FGF12: variants seen among roughly 807,000 people sequenced by gnomAD.
FGF12 encodes the protein fibroblast growth factor 12.
Under a neutral mutation model 23.6 loss-of-function variants are expected in FGF12, and 14 were observed. That is an observed-to-expected ratio of 0.59 (90% CI 0.39 to 0.93). The LOEUF is 0.93. Ranked by LOEUF, FGF12 falls within the 40% of genes least tolerant of loss-of-function variation. The probability of loss-of-function intolerance (pLI) is 0.00; values close to 1 mark genes in which losing one functional copy is unlikely to be tolerated. For missense variants in FGF12, 175 were observed against 217.8 expected, an observed-to-expected ratio of 0.80 and a Z score of 1.24; for synonymous variants, 62 against 77.3, an observed-to-expected ratio of 0.80 and a Z score of 1.04.
chr3:192,690,702 A>G (rs1177076129), intron 2 of FGF12, among the ~76,000 whole-genome samples: 1 of 151,996 alleles, frequency 6.6e-6, no homozygotes, highest in Non-Finnish European at 1.5e-5. Flanking sequence ...ATCCTTATCT[A>G]TCAATAATTA....
At chr3:192,205,356 C>G (rs961044118) in intron 4 of FGF12, among the ~76,000 whole-genome samples, 2 of 152,066 alleles carry the variant, frequency 1.3e-5, no homozygotes, top group Admixed American at 6.6e-5. Flanking sequence ...CATATCCTAC[C>G]CCCATGTTAA....
chr3:192,696,870 T>G (rs1357313405), intron 2 of FGF12, among the ~76,000 whole-genome samples: 1 of 151,800 alleles, frequency 6.6e-6, no homozygotes, highest in Non-Finnish European at 1.5e-5. Context: ...AAGAGGAGAC[T>G]AAATGAGGTA....
At chr3:192,437,113 G>A (rs142271065) in intron 2 of FGF12, among the ~76,000 whole-genome samples, 5 of 152,206 alleles carry the variant, frequency 3.3e-5, no homozygotes, top group African/African-American at 1.2e-4. Flanking sequence ...CGGGTAGAAG[G>A]GGCATAGTTA....
chr3:192,667,266 A>G (rs1007498568), intron 2 of FGF12, among the ~76,000 whole-genome samples: 5 of 152,288 alleles, frequency 3.3e-5, no homozygotes, highest in Admixed American at 3.3e-4. Context: ...TGGAAAGGTC[A>G]CAGAGGGCTT....
chr3:192,499,693 G>A (rs1254252259), intron 2 of FGF12, among the ~76,000 whole-genome samples: 1 of 149,976 alleles, frequency 6.7e-6, no homozygotes, highest in Non-Finnish European at 1.5e-5. Context: ...CACCTCACAC[G>A]GCTAATTGTT....
intron 2 of FGF12, among the ~76,000 whole-genome samples, chr3:192,677,117 T>C (rs1156821511): frequency 6.6e-6 from 1 of 152,220 alleles, no homozygotes; most frequent in Non-Finnish European, 1.5e-5. Flanking sequence ...CAAAGATTGC[T>C]TGACTTTACG....
chr3:192,628,452 C>T (rs982003991), intron 2 of FGF12, among the ~76,000 whole-genome samples: 1 of 60,746 alleles, frequency 1.6e-5, no homozygotes, highest in African/African-American at 3.8e-5. Context: ...TACACACACA[C>T]ACACACACAC....
rs778450052 is a variant in FGF12, at chr3:192,170,525, T to A, written c.360A>T (p.Gln120His). The part of the protein sequence containing the change: ...AWFLGLNKEG[Q>H]IMKGNRVKKT... ...TCTTCACTCTGTTCCCCTTCATAAT[T>A]TGACCTTCTTTATTGAGTCCCAGAA... Residue 120 changes from glutamine to histidine, a missense_variant, in exon 5 of 6, where the codon CAA becomes CAT. By Grantham distance (24) the Gln-to-His change is conservative. Transcript: ENST00000445105. 6.2e-7 allele frequency: 1 copy of A among 1,614,120 alleles called. No individual in the cohort carries two copies. The highest frequency in any genetic ancestry group is 1.7e-5 in the Admixed American group (1 of 60,016).
intron 4 of FGF12, among the ~76,000 whole-genome samples, chr3:192,227,791 T>C (rs1374110497): frequency 2.0e-5 from 3 of 152,224 alleles, no homozygotes; most frequent in Admixed American, 2.0e-4. Context: ...TAGTCATGAT[T>C]TTCCATTTGT....
rs185917373 is a variant in FGF12, at chr3:192,687,080, T to C, written c.13+40101A>G. On this transcript the variant is annotated intron_variant, in intron 2 of 5. Coordinates refer to ENST00000445105, the MANE Select transcript of FGF12 (RefSeq NM_004113.6). ...TCCTGACCTCGTGATCTGCCCGCCT[T>C]GGCCTCCCAAAGTGCTGGGATTACA... Among the ~76,000 whole-genome samples the C allele has an allele frequency of 5.5e-4, 83 of 150,912 alleles. 1 individual carries two copies. In the East Asian group the frequency reaches 0.013, roughly 23 times the overall value.
At chr3:192,190,085 G>A (rs1434617275) in intron 4 of FGF12, among the ~76,000 whole-genome samples, 2 of 152,040 alleles carry the variant, frequency 1.3e-5, no homozygotes, top group East Asian at 3.9e-4. Flanking sequence ...CTAAGGAAAA[G>A]TTTTTTTAAA....
At position 192,408,150 on chromosome 3, in the gene FGF12, G is replaced by T. The variant is rs1157015897; in HGVS notation, c.14-47612C>A. ...GGGGCTGGAGCGGCGCTTGGAGGCCGACACTCGGTCGCTGTTGGACTCCCT... is the reference window on the plus strand; with the variant it reads ...GGGGCTGGAGCGGCGCTTGGAGGCCTACACTCGGTCGCTGTTGGACTCCCT... On this transcript the variant is annotated intron_variant, in intron 2 of 5. Transcript: ENST00000445105. This position sits in a 1 kb window ranked among gnomAD's most constrained non-coding sequence, Gnocchi z 7.3. 1.2e-6 allele frequency: 2 copies of T among 1,611,662 alleles called. No homozygotes were observed.
intron 4 of FGF12, among the ~76,000 whole-genome samples, chr3:192,190,738 G>T (rs1716748270): frequency 6.6e-6 from 1 of 151,378 alleles, no homozygotes; most frequent in Non-Finnish European, 1.5e-5. Flanking sequence ...GCCTCCCAAA[G>T]TGCTGGGATT....
intron 2 of FGF12, among the ~76,000 whole-genome samples, chr3:192,361,684 T>C (rs945000775): frequency 2.0e-5 from 3 of 152,210 alleles, no homozygotes; most frequent in Non-Finnish European, 4.4e-5. Flanking sequence ...GCATTATTGA[T>C]ATTTAGGTCT....
chr3:192,485,024 GTGTACACA>G (rs1723592301), intron 2 of FGF12, among the ~76,000 whole-genome samples: 1 of 151,288 alleles, frequency 6.6e-6, no homozygotes, highest in African/African-American at 2.4e-5. Context: ...AATTTTATAT[GTGTACACA>G]TAAATTTTAA....
intron 2 of FGF12, among the ~76,000 whole-genome samples, chr3:192,716,885 C>T (rs1718882508): frequency 6.6e-6 from 1 of 152,204 alleles, no homozygotes; most frequent in Admixed American, 6.5e-5. Flanking sequence ...TCTACCACAC[C>T]ACTGAGCTGC....
intron 3 of FGF12, among the ~76,000 whole-genome samples, chr3:192,350,080 G>A (rs561342004): frequency 1.6e-4 from 25 of 152,060 alleles, no homozygotes; most frequent in Middle Eastern, 6.8e-3. Flanking sequence ...TTATCAAGGC[G>A]TTACTCATTA....
rs1175185105 is a variant in FGF12, at chr3:192,345,557, G to A, written c.125-10093C>T. Among the ~76,000 whole-genome samples the A allele has an allele frequency of 2.1e-5, 2 of 93,812 alleles. 1 individual carries two copies. Among genetic ancestry groups the A allele is most frequent in the Non-Finnish European group, 3.6e-5 (2 of 56,066 alleles). 61.5% of individuals were successfully genotyped at this position (93,812 alleles called of 152,430 possible). On this transcript the variant is annotated intron_variant, in intron 3 of 5. Coordinates refer to ENST00000445105, the MANE Select transcript of FGF12 (RefSeq NM_004113.6). ...AAAAAATTAGCCGGGCGTGGTAGCG[G>A]GCGCCTGTAGTCCCAGCTACTCGGG...
chr3:192,714,348 G>A (rs572297334), intron 2 of FGF12, among the ~76,000 whole-genome samples: 5 of 152,154 alleles, frequency 3.3e-5, no homozygotes, highest in East Asian at 3.9e-4. Flanking sequence ...AGTGATGGGT[G>A]AGTTTGGAGA....
Sources: allele counts gnomAD v4.1 joint callset (sites outside exome capture counted in the v4.1 genomes callset), GRCh38; gene constraint gnomAD v4.1.1; non-coding constraint Gnocchi (gnomAD v3.1); transcripts MANE v1.5; gene names NCBI Gene and HGNC (gene_info 2026-07-23, HGNC 2026-07-21).